The following WWC2 variants were observed in gnomAD, a reference collection of about 807,000 sequenced individuals.
WWC2 encodes protein WWC2.
WWC2 carries 101 observed loss-of-function variants against 138.5 expected under a neutral mutation model. The observed-to-expected ratio is 0.73, with a 90% CI of 0.62 to 0.86. The LOEUF is 0.86. Ranked by LOEUF, WWC2 falls within the 40% of genes least tolerant of loss-of-function variation. WWC2 has a pLI of 0.00. For synonymous variants in WWC2, 558 were observed against 538.4 expected (o/e 1.04, Z -0.50); for missense variants, 1,420 against 1,419.4 (o/e 1.00, Z -0.01).
At chr4:183,262,997 G>A (rs1038016186) in intron 11 of WWC2, among the ~76,000 whole-genome samples, 4 of 152,234 alleles carry the variant, frequency 2.6e-5, no homozygotes, top group South Asian at 2.1e-4. Flanking sequence ...GCACTTAACC[G>A]TGTCTGGCAC....
Position 183,189,236 on chromosome 4 carries a change from A to T in WWC2, c.132-4363A>T, listed in dbSNP as rs559080533. 1.3e-4 allele frequency among the ~76,000 whole-genome samples: 20 copies of T among 151,516 alleles called. No individual in the cohort carries two copies. The South Asian group carries it at 4.0e-3, about 30-fold the overall frequency. Reference sequence around the variant, plus strand: ...GATTGCCTGAGGTCAGGAGTTTGAGACCAGTCAGGCCAACATGGTGAAACC... The same window carrying T: ...GATTGCCTGAGGTCAGGAGTTTGAGTCCAGTCAGGCCAACATGGTGAAACC... On this transcript the variant is annotated intron_variant, in intron 1 of 22. Coordinates refer to ENST00000403733, the MANE Select transcript of WWC2 (RefSeq NM_024949.6).
At chr4:183,199,026 C>T (rs558613861) in intron 2 of WWC2, among the ~76,000 whole-genome samples, 96 of 152,248 alleles carry the variant, frequency 6.3e-4, no homozygotes, top group African/African-American at 2.2e-3. Flanking sequence ...CCTTTCCATT[C>T]TAAAGAGTGT....
At chr4:183,305,411 A>G (rs1156884759) in intron 21 of WWC2, among the ~76,000 whole-genome samples, 1 of 152,152 alleles carries the variant, frequency 6.6e-6, no homozygotes, top group East Asian at 1.9e-4. Context: ...AAAACTCATA[A>G]AACACCAAGC....
intron 1 of WWC2, among the ~76,000 whole-genome samples, chr4:183,180,288 A>G (rs6552650): frequency 1 from 151,583 of 152,262 alleles, 75,457 homozygotes; most frequent in Non-Finnish European, 1. Flanking sequence ...CAACGCAGAT[A>G]TCCTGCCTCT....
chr4:183,314,400 T>C (rs1016053870), intron 22 of WWC2, among the ~76,000 whole-genome samples: 16 of 152,298 alleles, frequency 1.1e-4, no homozygotes, highest in African/African-American at 3.8e-4. Context: ...TCCCTTAAGA[T>C]ACGAAGCATA....
In WWC2 at chr4:183,157,173, G is replaced by T. The variant is rs115658808; in HGVS notation, c.132-36426G>T. On this transcript the variant is annotated intron_variant, in intron 1 of 22. Transcript: ENST00000403733. ...TGTCTTTTTGTTCCCCTTTAATCTG[G>T]ATGATTTTCTCAGTTTTCTTTATTT... 5.6e-3 allele frequency among the ~76,000 whole-genome samples: 847 copies of T among 152,154 alleles called. 13 individuals are homozygous for T. The highest frequency in any genetic ancestry group is 0.02 in the African/African-American group (820 of 41,520).
chr4:183,277,268 A>G (rs1413138965), intron 16 of WWC2, among the ~76,000 whole-genome samples: 2 of 150,972 alleles, frequency 1.3e-5, no homozygotes, highest in Non-Finnish European at 3.0e-5. Context: ...ACTGAGAATG[A>G]TGATTTCCAA....
At chr4:183,311,608 CTCACTCT>C (rs765728421) in intron 21 of WWC2, among the ~76,000 whole-genome samples, 2 of 110,652 alleles carry the variant, frequency 1.8e-5, no homozygotes, top group South Asian at 3.3e-4. Context: ...GAGACGGAGT[CTCACTCT>C]GTCGCCCAGG....
At chr4:183,148,012 C>G (rs1287182184) in intron 1 of WWC2, among the ~76,000 whole-genome samples, 3 of 152,100 alleles carry the variant, frequency 2.0e-5, no homozygotes, top group Admixed American at 1.3e-4. Flanking sequence ...TATAAGAAAT[C>G]TTAGAACTCT....
rs578044955 is a variant in WWC2 at position 183,275,955 on chromosome 4, A to T, written c.2562+4714A>T. On this transcript the variant is annotated intron_variant, in intron 16 of 22. Coordinates refer to ENST00000403733, the MANE Select transcript of WWC2 (RefSeq NM_024949.6). ...TATCTCTGTACTTCAGTCTATTTAG[A>T]CTTAGAAGTATTGCTTTTTGAGTCT... 7.6e-4 allele frequency among the ~76,000 whole-genome samples: 115 copies of T among 152,224 alleles called. 3 individuals carry two copies. In the South Asian group the frequency reaches 0.023, roughly 30 times the overall value.
Position 183,286,024 on chromosome 4 carries a change from A to T in WWC2, c.3106A>T (p.Asn1036Tyr). 1.3e-6 allele frequency: 2 copies of T among 1,590,804 alleles called. No individual in the cohort carries two copies. The highest frequency in any genetic ancestry group is 1.7e-6 in the Non-Finnish European group (2 of 1,167,366). ...TLAKKSLFVRNSTERRSLRVK... is the reference protein window; with the variant it reads ...TLAKKSLFVRYSTERRSLRVK... Reference sequence around the variant, plus strand: ...GGCTAAAAAATCACTGTTTGTGAGAAACTCCACCGAACGCCGCAGTTTGAG... The same window carrying T: ...GGCTAAAAAATCACTGTTTGTGAGATACTCCACCGAACGCCGCAGTTTGAG... The change falls in exon 20 of 23, where the codon AAC (asparagine) becomes TAC (tyrosine). Residue 1036 changes from asparagine to tyrosine, a missense_variant. Coordinates refer to ENST00000403733, the MANE Select transcript of WWC2 (RefSeq NM_024949.6).
chr4:183,188,389 C>G (rs1734877328), intron 1 of WWC2, among the ~76,000 whole-genome samples: 1 of 151,972 alleles, frequency 6.6e-6, no homozygotes, highest in African/African-American at 2.4e-5. Context: ...AGATGCCCAC[C>G]ACCACACCTG....
chr4:183,181,663 G>A (rs1403603767), intron 1 of WWC2, among the ~76,000 whole-genome samples: 1 of 152,048 alleles, frequency 6.6e-6, no homozygotes, highest in African/African-American at 2.4e-5. Context: ...TTTATGTATT[G>A]GTGAGGCTTC....
intron 21 of WWC2, among the ~76,000 whole-genome samples, chr4:183,309,894 A>G (rs1739152437): frequency 6.6e-6 from 1 of 152,234 alleles, no homozygotes; most frequent in African/African-American, 2.4e-5. Context: ...AAGAGAAATG[A>G]GCTATCTGTC....
chr4:183,240,347 A>G, intron 5 of WWC2, 85 bp downstream of exon 5: 3 of 1,081,438 alleles, frequency 2.8e-6, no homozygotes, highest in Non-Finnish European at 2.6e-6. Context: ...AGATTACATA[A>G]GCGATTTCTT....
chr4:183,159,482 G>C lies in WWC2; in HGVS notation c.132-34117G>C, dbSNP rs182325089. ...TACAGTGGCGAGATCTTGGCTCACT[G>C]CAGACTCGACTTCCCGAACTCAGGT... On this transcript the variant is annotated intron_variant, in intron 1 of 22. Coordinates refer to ENST00000403733, the MANE Select transcript of WWC2 (RefSeq NM_024949.6). 3.4e-3 allele frequency among the ~76,000 whole-genome samples: 519 copies of C among 152,206 alleles called. 2 individuals are homozygous for C. The highest frequency in any genetic ancestry group is 0.012 in the African/African-American group (490 of 41,528).
At chr4:183,227,993 T>TA (rs1262362594) in intron 4 of WWC2, among the ~76,000 whole-genome samples, 10 of 151,930 alleles carry the variant, frequency 6.6e-5, no homozygotes, top group African/African-American at 2.4e-4. Context: ...TAAGTGTAAT[T>TA]GGATTAAATG....
chr4:183,259,515 G>C, intron 9 of WWC2, 124 bp from the exon 10 acceptor site: 1 of 735,858 alleles, frequency 1.4e-6, no homozygotes, highest in South Asian at 2.1e-5. Flanking sequence ...CCTGTTTTCT[G>C]TCTGTGGAGC....
chr4:183,145,967 A>T (rs1448759858), intron 1 of WWC2, among the ~76,000 whole-genome samples: 1 of 152,160 alleles, frequency 6.6e-6, no homozygotes, highest in Non-Finnish European at 1.5e-5. Context: ...AGTTTGGTTG[A>T]TTAATGTGTC....
Sources: allele counts gnomAD v4.1 joint callset (sites outside exome capture counted in the v4.1 genomes callset), GRCh38; gene constraint gnomAD v4.1.1; transcripts MANE v1.5; gene names NCBI Gene and HGNC (gene_info 2026-07-23, HGNC 2026-07-21).